DCDC1: variants seen among roughly 807,000 people sequenced by gnomAD.
The protein encoded by DCDC1 is doublecortin domain containing 1.
A neutral mutation model predicts 178.3 loss-of-function variants in DCDC1; 200 were observed. The ratio of observed to expected loss-of-function variants is 1.12; its 90% CI spans 1.00 to 1.26. The LOEUF (loss-of-function observed/expected upper bound fraction) is 1.26, where lower values mean the gene tolerates loss of function less well. Among genes scored for constraint, DCDC1 ranks in the 50% most tolerant of loss-of-function variants. The pLI is 0.00. For synonymous variants in DCDC1, 690 were observed against 604.8 expected (o/e 1.14, Z -2.07); for missense variants, 1,983 against 1,749.2 (o/e 1.13, Z -2.38).
At chr11:31,073,055 T>C (rs1956663686) in intron 18 of DCDC1, among the ~76,000 whole-genome samples, 1 of 152,124 alleles carries the variant, frequency 6.6e-6, no homozygotes. Flanking sequence ...CTCCATTTTA[T>C]CCTTAACTAG....
At chr11:30,906,378 A>G (rs1945061542) in intron 30 of DCDC1, 162 bp downstream of exon 30, 5 of 712,464 alleles carry the variant, frequency 7.0e-6, no homozygotes, top group East Asian at 2.7e-5. Flanking sequence ...TTAAATTACA[A>G]TGGGGAAAAG....
chr11:31,157,234 T>A (rs1591254349), intron 9 of DCDC1, among the ~76,000 whole-genome samples: 2 of 148,588 alleles, frequency 1.3e-5, no homozygotes, highest in South Asian at 2.1e-4. Flanking sequence ...AAAAAAAAAA[T>A]TAAAAAATGA....
At position 30,904,998 on chromosome 11, in the gene DCDC1, C is replaced by T. The variant is rs754104310; in HGVS notation, c.4271G>A (p.Arg1424His). ...IIAYKNGDGY[R>H]NGKLIVAGTF... ...TCCAGCCACAATTAACTTCCCATTACGATACCCATCCCCATTTTTGTATGC... is the reference window on the plus strand; with the variant it reads ...TCCAGCCACAATTAACTTCCCATTATGATACCCATCCCCATTTTTGTATGC... The change falls in exon 31 of 39, where the codon CGT becomes CAT. Residue 1424 changes from arginine (R) to histidine (H), a missense_variant. Physicochemically the swap from Arg to His is conservative, Grantham distance 29. Coordinates refer to ENST00000684477, the MANE Select transcript of DCDC1 (RefSeq NM_001387274.1). 132 of 1,613,808 alleles carry T rather than the reference C, an allele frequency of 8.2e-5. 1 individual carries two copies. The Middle Eastern group carries it at 3.8e-3, about 46-fold the overall frequency.
intron 20 of DCDC1, among the ~76,000 whole-genome samples, chr11:31,034,607 C>T (rs569032268): frequency 6.6e-6 from 1 of 152,298 alleles, no homozygotes; most frequent in Admixed American, 6.5e-5. Context: ...AGTATATTAA[C>T]ATGCTGTATA....
intron 3 of DCDC1, among the ~76,000 whole-genome samples, chr11:31,319,510 G>T (rs1253373501): frequency 1.6e-5 from 1 of 61,428 alleles, no homozygotes; most frequent in East Asian, 2.6e-4. Context: ...TGGCTTGGTA[G>T]ATCTTCCTCC....
chr11:31,197,808 C>A (rs2136404800), intron 9 of DCDC1, among the ~76,000 whole-genome samples: 1 of 152,072 alleles, frequency 6.6e-6, no homozygotes, highest in South Asian at 2.1e-4. Context: ...TCTTAAGGAC[C>A]ATTTCAGGAA....
chr11:31,361,726 C>T lies in DCDC1; in HGVS notation c.-125+7971G>A, dbSNP rs567529025. Among the ~76,000 whole-genome samples the T allele has an allele frequency of 5.9e-5, 9 of 152,288 alleles. No individual in the cohort carries two copies. The South Asian group carries it at 1.2e-3, about 21-fold the overall frequency. ...AAACTCCTGACCTCGAGTGATCCAC[C>T]CACCTCAGCCTCCCAAAGTGCTGGG... On this transcript the variant is annotated intron_variant, in intron 1 of 38. Coordinates refer to ENST00000684477, the MANE Select transcript of DCDC1 (RefSeq NM_001387274.1).
chr11:31,309,045 C>T (rs1165175164), intron 3 of DCDC1, among the ~76,000 whole-genome samples: 3 of 152,006 alleles, frequency 2.0e-5, no homozygotes, highest in African/African-American at 7.3e-5. Context: ...ATTATTTCTT[C>T]CAGCCTGCCC....
intron 20 of DCDC1, among the ~76,000 whole-genome samples, chr11:31,026,652 C>G (rs1953257735): frequency 6.6e-6 from 1 of 151,764 alleles, no homozygotes; most frequent in Non-Finnish European, 1.5e-5. Context: ...GTCATAACTA[C>G]TTTGATGCGC....
chr11:30,970,596 C>G (rs756593010), intron 20 of DCDC1, among the ~76,000 whole-genome samples: 1 of 152,218 alleles, frequency 6.6e-6, no homozygotes, highest in South Asian at 2.1e-4. Flanking sequence ...CCACCCCCAA[C>G]AGAGGAACTG....
At chr11:31,062,471 T>C (rs1470464528) in intron 20 of DCDC1, among the ~76,000 whole-genome samples, 2 of 152,140 alleles carry the variant, frequency 1.3e-5, no homozygotes, top group East Asian at 3.9e-4. Flanking sequence ...GGTCCTATTG[T>C]AGATGGAGCA....
At chr11:30,885,619 A>G (rs145727634) in intron 36 of DCDC1, among the ~76,000 whole-genome samples, 240 of 152,266 alleles carry the variant, frequency 1.6e-3, no homozygotes, top group Non-Finnish European at 2.8e-3. Context: ...ATAAATTGAA[A>G]TATGGGTATA....
chr11:31,050,631 C>T (rs1406624144), intron 20 of DCDC1, among the ~76,000 whole-genome samples: 2 of 152,168 alleles, frequency 1.3e-5, no homozygotes, highest in Non-Finnish European at 2.9e-5. Flanking sequence ...CCAGAACAGC[C>T]ACTGGTATCC....
intron 20 of DCDC1, among the ~76,000 whole-genome samples, chr11:31,044,408 G>A (rs1248048449): frequency 6.6e-6 from 1 of 151,368 alleles, no homozygotes; most frequent in Non-Finnish European, 1.5e-5. Flanking sequence ...AACCCGGGAG[G>A]CGGAGCTTGC....
chr11:31,357,090 G>A (rs1471754570), intron 1 of DCDC1, among the ~76,000 whole-genome samples: 2 of 152,054 alleles, frequency 1.3e-5, no homozygotes, highest in African/African-American at 4.8e-5. Flanking sequence ...CATTTTATGA[G>A]GGCAGCATCA....
intron 9 of DCDC1, among the ~76,000 whole-genome samples, chr11:31,183,539 T>C (rs954487073): frequency 7.2e-5 from 11 of 152,176 alleles, no homozygotes; most frequent in Non-Finnish European, 1.6e-4. Flanking sequence ...GAAAACCCCA[T>C]TGTTTCAGCC....
intron 1 of DCDC1, among the ~76,000 whole-genome samples, chr11:31,349,043 G>T (rs1184219220): frequency 5.3e-5 from 8 of 151,616 alleles, no homozygotes; most frequent in Non-Finnish European, 1.2e-4. Context: ...TTTTAAGTGG[G>T]GAGGTTAAGA....
At chr11:30,947,640 C>A (rs1341706165) in intron 21 of DCDC1, among the ~76,000 whole-genome samples, 1 of 152,026 alleles carries the variant, frequency 6.6e-6, no homozygotes, top group Non-Finnish European at 1.5e-5. Flanking sequence ...GTAACTTCAG[C>A]ACAAGAATAG....
intron 7 of DCDC1, among the ~76,000 whole-genome samples, chr11:31,278,831 A>G (rs1419215070): frequency 6.6e-6 from 1 of 152,182 alleles, no homozygotes; most frequent in East Asian, 1.9e-4. Flanking sequence ...AATAATAATA[A>G]ATACATACTA....
Sources: gnomAD v4.1 joint callset for allele counts (sites outside exome capture counted in the v4.1 genomes callset) on GRCh38, gnomAD v4.1.1 for gene constraint, MANE v1.5 for transcripts, NCBI Gene and HGNC (gene_info 2026-07-23, HGNC 2026-07-21) for gene names.